Variants in SZRD1 observed in about 807,000 individuals in gnomAD.
SZRD1 encodes SUZ RNA-binding domain-containing.
A neutral mutation model predicts 17.6 loss-of-function variants in SZRD1; 7 were observed. The observed-to-expected ratio is 0.40, with a 90% CI of 0.23 to 0.75. The LOEUF is 0.75. SZRD1 is among the 30% of genes least tolerant of loss of function. The pLI is 0.38. For synonymous variants in SZRD1, 77 were observed against 77.9 expected, an observed-to-expected ratio of 0.99 and a Z score of 0.06; for missense variants, 178 against 201.8, an observed-to-expected ratio of 0.88 and a Z score of 0.71.
chr1:16,393,285 C>T lies in SZRD1; in HGVS notation c.159C>T (p.Pro53=), dbSNP rs755103291. Reference sequence around the variant, plus strand: ...TTGTGATTCAGGACGATAGCCTTCCCGCGGGGCCCCCTCCACAGATCCGCA... The same window carrying T: ...TTGTGATTCAGGACGATAGCCTTCCTGCGGGGCCCCCTCCACAGATCCGCA... The part of the protein sequence containing the change: ...VPIVIQDDSL[P]AGPPPQIRIL... Residue 53 remains proline, a synonymous_variant, in exon 3 of 4, where the codon CCC becomes CCT. Transcript: ENST00000401088. This position sits in a 1 kb window ranked among gnomAD's most constrained non-coding sequence, Gnocchi z 5.6. The T allele has an allele frequency of 3.3e-5, 53 of 1,614,046 alleles. No individual in the cohort carries two copies. The highest frequency in any genetic ancestry group is 8.0e-5 in the African/African-American group (6 of 74,908).
chr1:16,370,324 C>T (rs1216056367), intron 1 of SZRD1, among the ~76,000 whole-genome samples: 2 of 151,060 alleles, frequency 1.3e-5, no homozygotes, highest in Admixed American at 6.6e-5. Context: ...CTCCCAGGTT[C>T]AAGCGATTCT....
chr1:16,380,056 A>G (rs978682950), intron 1 of SZRD1, among the ~76,000 whole-genome samples: 6 of 152,180 alleles, frequency 3.9e-5, no homozygotes, highest in African/African-American at 1.4e-4. Flanking sequence ...TGCTCTCATA[A>G]GGCTTACTTT....
chr1:16,393,856 A>G lies in SZRD1; in HGVS notation c.356+374A>G, dbSNP rs936298948. ...GTTTTCTCATCTGAAAAAATGGGATAATAATAGTACCAACCTTATCAAGGT... is the reference window on the plus strand; with the variant it reads ...GTTTTCTCATCTGAAAAAATGGGATGATAATAGTACCAACCTTATCAAGGT... On this transcript the variant is annotated intron_variant, in intron 3 of 3. Transcript: ENST00000401088. The surrounding 1 kb of genome is among the most constrained non-coding windows in gnomAD (Gnocchi z 5.6). Among the ~76,000 whole-genome samples, 7 of 152,138 alleles carry G rather than the reference A, an allele frequency of 4.6e-5. No individual in the cohort carries two copies. Among genetic ancestry groups the G allele is most frequent in the Non-Finnish European group, 1.0e-4 (7 of 68,028 alleles).
At chr1:16,385,650 C>T (rs2083176517) in intron 1 of SZRD1, among the ~76,000 whole-genome samples, 1 of 152,144 alleles carries the variant, frequency 6.6e-6, no homozygotes, top group Non-Finnish European at 1.5e-5. Context: ...CCTTTTGTAG[C>T]TTGTGACAGT....
chr1:16,372,627 T>G (rs983763756), intron 1 of SZRD1, among the ~76,000 whole-genome samples: 1 of 152,222 alleles, frequency 6.6e-6, no homozygotes, highest in Non-Finnish European at 1.5e-5. Context: ...ATTCTTTTTC[T>G]CCAGGTCAAG....
chr1:16,381,293 T>C (rs2100720317), intron 1 of SZRD1, among the ~76,000 whole-genome samples: 1 of 152,170 alleles, frequency 6.6e-6, no homozygotes, highest in Non-Finnish European at 1.5e-5. Context: ...GCATGGTGGC[T>C]CACACCTGTA....
chr1:16,377,854 G>A (rs759960117), intron 1 of SZRD1, among the ~76,000 whole-genome samples: 3 of 152,144 alleles, frequency 2.0e-5, no homozygotes, highest in East Asian at 1.9e-4. Flanking sequence ...CATTGTTCCC[G>A]GCTCTCCAGC....
Position 16,393,381 on chromosome 1 carries a change from C to A in SZRD1, c.255C>A (p.Val85=), listed in dbSNP as rs1286590179. 6.2e-7 allele frequency: 1 copy of A among 1,614,100 alleles called. No individual in the cohort carries two copies. Among genetic ancestry groups the A allele is most frequent in the Admixed American group, 1.7e-5 (1 of 60,012 alleles). ...CCACCAGCAGGCCCACCCTTCCAGT[C>A]AAGTCCCTAGCACAGCGAGAGGCCG... ...PNSTSRPTLP[V]KSLAQREAEY... Residue 85 remains valine, a synonymous_variant, in exon 3 of 4, where the codon GTC becomes GTA. Transcript: ENST00000401088. This position sits in a 1 kb window ranked among gnomAD's most constrained non-coding sequence, Gnocchi z 5.6.
rs184502830 is a variant in SZRD1 at position 16,394,968 on chromosome 1, A to C, written c.357-70A>C. On this transcript the variant is annotated intron_variant, in intron 3 of 3. Coordinates refer to ENST00000401088, the MANE Select transcript of SZRD1 (RefSeq NM_001114600.3). ...AGACTCCGTCTCAAAAATAAATAAA[A>C]AATAAAGAAATGATGGGGGACATCT... The C allele has an allele frequency of 8.5e-6, 8 of 937,260 alleles. No individual in the cohort carries two copies. In the South Asian group the frequency reaches 9.3e-5, roughly 11 times the overall value. The allele number at this position is 937,260 out of a possible 1,614,324, so 58.1% of individuals were successfully genotyped here. A position where few individuals can be genotyped will look rare whatever the true frequency, so the allele number is the denominator to read the frequency against.
At chr1:16,370,092 A>G (rs2082887661) in intron 1 of SZRD1, among the ~76,000 whole-genome samples, 2 of 152,136 alleles carry the variant, frequency 1.3e-5, no homozygotes, top group South Asian at 4.1e-4. Context: ...AAGATCACAC[A>G]GCTGGGGGAA....
At chr1:16,386,895 G>A (rs1460262634) in intron 1 of SZRD1, among the ~76,000 whole-genome samples, 1 of 152,002 alleles carries the variant, frequency 6.6e-6, no homozygotes, top group Non-Finnish European at 1.5e-5. Flanking sequence ...GGCATTTCCA[G>A]GGGATTTGAG....
At chr1:16,376,209 A>G (rs1311198404) in intron 1 of SZRD1, among the ~76,000 whole-genome samples, 2 of 152,160 alleles carry the variant, frequency 1.3e-5, no homozygotes, top group Admixed American at 6.5e-5. Flanking sequence ...TTTTTGGAGC[A>G]ATTTGTTTAC....
intron 1 of SZRD1, chr1:16,387,522 G>T: frequency 4.4e-6 from 2 of 456,712 alleles, no homozygotes; most frequent in Non-Finnish European, 8.8e-6. Context: ...GTCTGCCAAA[G>T]CTTGTTGGCC....
At chr1:16,367,699 G>A (rs2082846035) in intron 1 of SZRD1, 1 of 219,338 alleles carries the variant, frequency 4.6e-6, no homozygotes, top group Non-Finnish European at 9.1e-6. Context: ...CACACCATGT[G>A]GGTGGTGGTG....
In SZRD1 at chr1:16,393,077, T is replaced by C. The variant is rs1570047920; in HGVS notation, c.102-151T>C. 2.8e-6 allele frequency: 3 copies of C among 1,081,444 alleles called. No homozygotes were observed. The highest frequency in any genetic ancestry group is 4.0e-6 in the Non-Finnish European group (3 of 741,088). 67.0% of individuals were successfully genotyped at this position (1,081,444 alleles called of 1,614,324 possible). On this transcript the variant is annotated intron_variant, in intron 2 of 3. Coordinates refer to ENST00000401088, the MANE Select transcript of SZRD1 (RefSeq NM_001114600.3). The surrounding 1 kb of genome is among the most constrained non-coding windows in gnomAD (Gnocchi z 5.6). ...TTTTTGGGACACCCTTCTTGAGGAG[T>C]GGAAATTTTGCTGTCTGGTCAGAGG...
rs531554534 is a variant in SZRD1 at position 16,395,352 on chromosome 1, A to G, written c.*212A>G. The G allele has an allele frequency of 1.9e-5, 11 of 591,590 alleles. No homozygotes were observed. In the Admixed American group the frequency reaches 2.6e-4, roughly 14 times the overall value. The allele number at this position is 591,590 out of a possible 1,614,324, so 36.6% of individuals were successfully genotyped here. On this transcript the variant is annotated 3_prime_UTR_variant, in exon 4 of 4. Coordinates refer to ENST00000401088, the MANE Select transcript of SZRD1 (RefSeq NM_001114600.3). ...TCCCCCTTCCCACTGTGATTGGCACATCGACAAGGGCTGTCCCAAGTCAAT... is the reference window on the plus strand; with the variant it reads ...TCCCCCTTCCCACTGTGATTGGCACGTCGACAAGGGCTGTCCCAAGTCAAT...
chr1:16,380,360 A>G (rs1217416719), intron 1 of SZRD1, among the ~76,000 whole-genome samples: 3 of 150,990 alleles, frequency 2.0e-5, no homozygotes, highest in South Asian at 2.1e-4. Context: ...GCTGGAGTGC[A>G]GTGGCATGAT....
Position 16,393,809 on chromosome 1 carries a change from G to A in SZRD1, c.356+327G>A, listed in dbSNP as rs943572510. Among the ~76,000 whole-genome samples, 1 of 152,180 alleles carries A rather than the reference G, an allele frequency of 6.6e-6. No homozygotes were observed. Among genetic ancestry groups the A allele is most frequent in the Non-Finnish European group, 1.5e-5 (1 of 68,028 alleles). On this transcript the variant is annotated intron_variant, in intron 3 of 3. Transcript: ENST00000401088. This position sits in a 1 kb window ranked among gnomAD's most constrained non-coding sequence, Gnocchi z 5.6. ...CTGCCTCTTACCTCTTCTTTAGAAC[G>A]ACTTGACCTCTCTGGGCCTTAGTTT...
intron 1 of SZRD1, among the ~76,000 whole-genome samples, chr1:16,385,786 A>G (rs1319144700): frequency 6.6e-6 from 1 of 152,182 alleles, no homozygotes; most frequent in Non-Finnish European, 1.5e-5. Flanking sequence ...AGCAAGGTTA[A>G]GGGCATCAGC....
Sources: gnomAD v4.1 joint callset for allele counts (sites outside exome capture counted in the v4.1 genomes callset) on GRCh38, gnomAD v4.1.1 for gene constraint, Gnocchi (gnomAD v3.1) non-coding constraint, MANE v1.5 for transcripts, NCBI Gene and HGNC (gene_info 2026-07-23, HGNC 2026-07-21) for gene names.